MYOM3: variants seen among roughly 807,000 people sequenced by gnomAD.
MYOM3 encodes myomesin-3.
In MYOM3, 155 loss-of-function variants were observed where a neutral mutation model predicts 191.7. The observed-to-expected ratio is 0.81, with a 90% confidence interval of 0.71 to 0.92. MYOM3 has a LOEUF of 0.92. Among genes scored for constraint, MYOM3 ranks in the 40% least tolerant of loss-of-function variants. MYOM3 has a pLI of 0.00. For synonymous variants in MYOM3, 757 were observed against 762.9 expected, an observed-to-expected ratio of 0.99 and a Z score of 0.13; for missense variants, 1,889 against 1,890.6, an observed-to-expected ratio of 1.00 and a Z score of 0.02.
At position 24,095,347 on chromosome 1, in the gene MYOM3, C is replaced by T; in HGVS notation, c.790+95G>A. On this transcript the variant is annotated intron_variant, in intron 8 of 36. Transcript: ENST00000374434. ...ACCCCGGTGGACGTCCTTTTATGGG[C>T]AGGGGATGGCTATATTCTAAACAGG... 2.5e-6 allele frequency: 3 copies of T among 1,204,442 alleles called. No homozygotes were observed. The East Asian group carries it at 7.2e-5, about 29-fold the overall frequency. 74.6% of individuals were successfully genotyped at this position (1,204,442 alleles called of 1,614,324 possible).
intron 27 of MYOM3, among the ~76,000 whole-genome samples, chr1:24,067,741 T>A (rs1372546823): frequency 6.6e-6 from 1 of 151,986 alleles, no homozygotes; most frequent in East Asian, 1.9e-4. Context: ...GGATTACAGG[T>A]GTGGGGCACT....
At chr1:24,092,014 C>T (rs1304029854) in intron 11 of MYOM3, among the ~76,000 whole-genome samples, 160 bp downstream of exon 11, 2 of 152,178 alleles carry the variant, frequency 1.3e-5, no homozygotes, top group Non-Finnish European at 2.9e-5. Context: ...CCCTCCATTG[C>T]CCCTAAATGA....
rs148494874 is a variant in MYOM3, at chr1:24,087,337, G to A, written c.1615-510C>T. Among the ~76,000 whole-genome samples the A allele has an allele frequency of 1.4e-4, 22 of 152,106 alleles. No homozygotes were observed. The East Asian group carries it at 3.7e-3, about 25-fold the overall frequency. On this transcript the variant is annotated intron_variant, in intron 14 of 36. Coordinates refer to ENST00000374434, the MANE Select transcript of MYOM3 (RefSeq NM_152372.4). This position sits in a 1 kb window ranked among gnomAD's most constrained non-coding sequence, Gnocchi z 4.5. The stretch of plus-strand genomic sequence containing the variant: ...CCATTTCTACCTATAACCCCCTTCC[G>A]TCTTGTCTCAAATGGCCATCAGGGG...
chr1:24,069,758 C>T (rs550378954), intron 25 of MYOM3, among the ~76,000 whole-genome samples: 80 of 152,110 alleles, frequency 5.3e-4, no homozygotes, highest in African/African-American at 1.9e-3. Flanking sequence ...TACAGGTGCG[C>T]ACCACCATGC....
At chr1:24,091,686 C>T (rs1464567536) in intron 11 of MYOM3, among the ~76,000 whole-genome samples, 2 of 152,196 alleles carry the variant, frequency 1.3e-5, no homozygotes, top group Non-Finnish European at 2.9e-5. Flanking sequence ...AGAGATGAGG[C>T]ATGCCCTTAG....
chr1:24,076,513 T>C (rs1643601984), intron 20 of MYOM3, among the ~76,000 whole-genome samples: 1 of 62,340 alleles, frequency 1.6e-5, no homozygotes, highest in African/African-American at 5.2e-5. Flanking sequence ...GTTTCTTTTT[T>C]TTTTTTTTTT....
Position 24,078,201 on chromosome 1 carries a change from G to A in MYOM3, c.2586+1815C>T, listed in dbSNP as rs532302699. ...GCGATCTCGGCTCACTGCAACCTCC[G>A]CCTCCCAGGTTCAGGTGATTCTCCT... On this transcript the variant is annotated intron_variant, in intron 20 of 36. Transcript: ENST00000374434. Among the ~76,000 whole-genome samples, 75 of 150,668 alleles carry A rather than the reference G, an allele frequency of 5.0e-4. 1 individual carries two copies. Among genetic ancestry groups the A allele is most frequent in the East Asian group, 2.0e-4 (1 of 5,128 alleles).
At chr1:24,057,654 G>A in intron 36 of MYOM3, 27 bp from the exon 37 acceptor site, 1 of 1,604,596 alleles carries the variant, frequency 6.2e-7, no homozygotes. Context: ...GAAGGGAACA[G>A]TCTCACCTCC....
chr1:24,109,800 C>G (rs974400515), intron 1 of MYOM3, among the ~76,000 whole-genome samples: 7 of 152,246 alleles, frequency 4.6e-5, no homozygotes, highest in Non-Finnish European at 1.0e-4. Flanking sequence ...CAACCCCTAG[C>G]CCTTCTGATC....
chr1:24,108,942 T>G (rs1644017995), intron 1 of MYOM3, among the ~76,000 whole-genome samples: 1 of 152,240 alleles, frequency 6.6e-6, no homozygotes, highest in African/African-American at 2.4e-5. Flanking sequence ...TGCTTCCAGC[T>G]GCAGCCCAGC....
chr1:24,090,253 AG>A, intron 12 of MYOM3, 135 bp from the exon 13 acceptor site: 1 of 702,588 alleles, frequency 1.4e-6, no homozygotes, highest in Non-Finnish European at 2.5e-6. Flanking sequence ...AACCTCAGAC[AG>A]GTGCCCTCCC....
intron 28 of MYOM3, chr1:24,066,321 G>A: frequency 1.5e-6 from 1 of 678,124 alleles, no homozygotes; most frequent in South Asian, 1.7e-5. Flanking sequence ...CAAGCATGAG[G>A]GATGCTGTTT....
At chr1:24,085,850 C>T (rs768265575) in intron 15 of MYOM3, among the ~76,000 whole-genome samples, 13 of 151,658 alleles carry the variant, frequency 8.6e-5, no homozygotes, top group Non-Finnish European at 1.2e-4. Flanking sequence ...TGTGTGTGCG[C>T]GTGTGTATTT....
rs768883272 is a variant in MYOM3, at chr1:24,089,680, AC to A, written c.1487-16del. 1 of 1,563,966 alleles carries A rather than the reference AC, an allele frequency of 6.4e-7. No homozygotes were observed. Among genetic ancestry groups the A allele is most frequent in the Non-Finnish European group, 8.7e-7 (1 of 1,154,040 alleles). ...GGTCACAGTATCTGAAATCAGAGTC[AC>A]CCGGGACCGAGATGGTTGGACCCTC... On this transcript the variant is annotated splice_polypyrimidine_tract_variant and intron_variant, in intron 13 of 36. Transcript: ENST00000374434.
chr1:24,095,069 T>G, intron 8 of MYOM3, 79 bp from the exon 9 acceptor site: 1 of 1,463,416 alleles, frequency 6.8e-7, no homozygotes. Context: ...AGGAAATTTC[T>G]GGGGCATCCC....
At chr1:24,106,273 G>T (rs1643982754) in intron 4 of MYOM3, among the ~76,000 whole-genome samples, 196 bp from the exon 5 acceptor site, 1 of 152,218 alleles carries the variant, frequency 6.6e-6, no homozygotes, top group South Asian at 2.1e-4. Context: ...CTGGGGTCAA[G>T]GTATTGACTA....
At chr1:24,086,617 C>T (rs771577332) in intron 15 of MYOM3, 27 bp downstream of exon 15, 26 of 1,606,044 alleles carry the variant, frequency 1.6e-5, no homozygotes, top group Non-Finnish European at 2.0e-5. Flanking sequence ...CCTGCCTCCT[C>T]CCCGACCCCC....
At position 24,057,303 on chromosome 1, in the gene MYOM3, G is replaced by C. The variant is rs1196916731; in HGVS notation, c.*61C>G. On this transcript the variant is annotated 3_prime_UTR_variant, in exon 37 of 37. Coordinates refer to ENST00000374434, the MANE Select transcript of MYOM3 (RefSeq NM_152372.4). ...TAGCCTGTGCCAGGCTGTGACCCTG[G>C]TACAGGTTGTCCCTACTGGTCCATG... 6.5e-7 allele frequency: 1 copy of C among 1,547,378 alleles called. No individual in the cohort carries two copies. The highest frequency in any genetic ancestry group is 1.4e-5 in the African/African-American group (1 of 73,884).
intron 16 of MYOM3, chr1:24,083,015 A>G (rs1643692870): frequency 4.1e-6 from 1 of 241,308 alleles, no homozygotes; most frequent in Non-Finnish European, 7.8e-6. Flanking sequence ...CCAGCGCCAC[A>G]TGGTACATCT....
Sources: gnomAD v4.1 joint callset for allele counts (sites outside exome capture counted in the v4.1 genomes callset) on GRCh38, gnomAD v4.1.1 for gene constraint, Gnocchi (gnomAD v3.1) non-coding constraint, MANE v1.5 for transcripts, NCBI Gene and HGNC (gene_info 2026-07-23, HGNC 2026-07-21) for gene names.